GRID2: variants seen among roughly 807,000 people sequenced by gnomAD.
GRID2 encodes the protein glutamate ionotropic receptor delta type subunit 2, also known as glutamate receptor ionotropic, delta-2.
A neutral mutation model predicts 114.8 loss-of-function variants in GRID2; 33 were observed. That is an observed-to-expected ratio of 0.29 (90% CI 0.22 to 0.38). The LOEUF (loss-of-function observed/expected upper bound fraction) is 0.38. Among genes scored for constraint, GRID2 ranks in the 10% least tolerant of loss-of-function variants. The pLI is 1.00. For missense variants in GRID2, 1,184 were observed against 1,257.7 expected (o/e 0.94, Z 0.89); for synonymous variants, 505 against 449.9 (o/e 1.12, Z -1.55).
At chr4:92,345,681 T>A (rs903531823) in intron 1 of GRID2, among the ~76,000 whole-genome samples, 27 of 152,314 alleles carry the variant, frequency 1.8e-4, no homozygotes, top group East Asian at 9.6e-4. Context: ...GAGAATTTTT[T>A]AAAAATTATC....
At chr4:92,703,196 A>G (rs1734767974) in intron 2 of GRID2, among the ~76,000 whole-genome samples, 1 of 152,210 alleles carries the variant, frequency 6.6e-6, no homozygotes. Context: ...ATGGTAATAA[A>G]TAAATGTAAT....
At position 93,682,554 on chromosome 4, in the gene GRID2, G is replaced by A. The variant is rs959119436; in HGVS notation, c.2360+56119G>A. On this transcript the variant is annotated intron_variant, in intron 14 of 15. Transcript: ENST00000282020. ...GCCAAATGTCCAACAATGATAGACTGGATTAAGAAAATGTGGGACATATAC... is the reference window on the plus strand; with the variant it reads ...GCCAAATGTCCAACAATGATAGACTAGATTAAGAAAATGTGGGACATATAC... 3.9e-3 allele frequency among the ~76,000 whole-genome samples: 600 copies of A among 152,144 alleles called. 5 individuals carry two copies. Among genetic ancestry groups the A allele is most frequent in the African/African-American group, 0.014 (566 of 41,506 alleles).
At chr4:93,143,457 A>G (rs1735936317) in intron 4 of GRID2, among the ~76,000 whole-genome samples, 1 of 152,186 alleles carries the variant, frequency 6.6e-6, no homozygotes, top group Non-Finnish European at 1.5e-5. Context: ...AAAGGAGATA[A>G]AACTATACAT....
intron 2 of GRID2, among the ~76,000 whole-genome samples, chr4:92,865,645 TCA>T (rs1339440205): frequency 1.3e-5 from 2 of 152,214 alleles, no homozygotes; most frequent in Non-Finnish European, 2.9e-5. Flanking sequence ...CTCAATTCAC[TCA>T]CAGTTTCACT....
At chr4:92,588,900 C>T (rs1728582651) in intron 1 of GRID2, among the ~76,000 whole-genome samples, 2 of 151,716 alleles carry the variant, frequency 1.3e-5, no homozygotes, top group African/African-American at 2.4e-5. Flanking sequence ...GTCAGGGGCT[C>T]GAGACCAGCC....
At chr4:92,748,347 A>G (rs1194045916) in intron 2 of GRID2, among the ~76,000 whole-genome samples, 2 of 152,178 alleles carry the variant, frequency 1.3e-5, no homozygotes, top group Non-Finnish European at 2.9e-5. Flanking sequence ...CAGGTTTGAC[A>G]TGGAGGACCA....
At chr4:93,559,756 TCTA>T (rs1734699174) in intron 13 of GRID2, among the ~76,000 whole-genome samples, 1 of 152,088 alleles carries the variant, frequency 6.6e-6, no homozygotes, top group African/African-American at 2.4e-5. Flanking sequence ...TATGAATCAT[TCTA>T]CTATAAAGAC....
At chr4:93,173,893 G>A (rs1018248961) in intron 4 of GRID2, among the ~76,000 whole-genome samples, 2 of 152,122 alleles carry the variant, frequency 1.3e-5, no homozygotes, top group African/African-American at 4.8e-5. Flanking sequence ...GGTGCGCTGG[G>A]ATTACAAGTG....
At position 93,084,160 on chromosome 4, in the gene GRID2, TATGAAAC is replaced by T. The variant is rs543247578; in HGVS notation, c.245-832_245-826del. Among the ~76,000 whole-genome samples the T allele has an allele frequency of 1.1e-3, 161 of 152,304 alleles. No homozygotes were observed. In the South Asian group the frequency reaches 0.029, roughly 28 times the overall value. On this transcript the variant is annotated intron_variant, in intron 2 of 15. Transcript: ENST00000282020. ...ATTTTTTATCTTCAAAGTTTGCCAT[TATGAAAC>T]ATTACCTCTTCACTCTTTTTTCTGT... is the stretch of plus-strand genomic sequence containing the variant.
At chr4:93,564,164 T>A (rs1039467824) in intron 13 of GRID2, among the ~76,000 whole-genome samples, 4 of 151,996 alleles carry the variant, frequency 2.6e-5, no homozygotes, top group African/African-American at 9.7e-5. Context: ...AAGGGCTTTT[T>A]AAAAATCTAT....
At chr4:92,976,145 A>G (rs1333453762) in intron 2 of GRID2, among the ~76,000 whole-genome samples, 2 of 152,134 alleles carry the variant, frequency 1.3e-5, no homozygotes, top group Non-Finnish European at 2.9e-5. Flanking sequence ...AGAAGACACT[A>G]TAAATATTTC....
chr4:93,684,081 T>C (rs993510607), intron 14 of GRID2, among the ~76,000 whole-genome samples: 7 of 152,168 alleles, frequency 4.6e-5, no homozygotes, highest in Non-Finnish European at 1.5e-5. Flanking sequence ...TATAGTTATC[T>C]ATACACACCT....
At chr4:93,232,942 A>C (rs1286401168) in intron 7 of GRID2, among the ~76,000 whole-genome samples, 1 of 152,184 alleles carries the variant, frequency 6.6e-6, no homozygotes, top group Non-Finnish European at 1.5e-5. Flanking sequence ...TATCAAAAAT[A>C]ATTACAAGCA....
At chr4:92,902,170 G>A (rs1446219572) in intron 2 of GRID2, among the ~76,000 whole-genome samples, 1 of 152,052 alleles carries the variant, frequency 6.6e-6, no homozygotes, top group Non-Finnish European at 1.5e-5. Flanking sequence ...CTACATGCTT[G>A]AAAAGTTACA....
chr4:93,265,854 T>C (rs1579478871), intron 8 of GRID2, among the ~76,000 whole-genome samples: 1 of 152,316 alleles, frequency 6.6e-6, no homozygotes, highest in East Asian at 1.9e-4. Context: ...AGGAGAGCTT[T>C]AGTACCCCAT....
chr4:93,795,099 T>C (rs1361333500), intron 1 of GRID2, among the ~76,000 whole-genome samples: 1 of 150,244 alleles, frequency 6.7e-6, no homozygotes, highest in Non-Finnish European at 1.5e-5. Flanking sequence ...GACAAAAAAC[T>C]AAGAGATACA....
chr4:93,745,330 A>C (rs953399747), intron 14 of GRID2, among the ~76,000 whole-genome samples: 1 of 152,228 alleles, frequency 6.6e-6, no homozygotes, highest in Non-Finnish European at 1.5e-5. Flanking sequence ...AAAAGAGAGA[A>C]TAGAAATCAA....
In GRID2 at chr4:92,878,129, A is replaced by T. The variant is rs188551502; in HGVS notation, c.245-206866A>T. Among the ~76,000 whole-genome samples, 4 of 152,286 alleles carry T rather than the reference A, an allele frequency of 2.6e-5. No homozygotes were observed. In the East Asian group the frequency reaches 7.7e-4, roughly 29 times the overall value. On this transcript the variant is annotated intron_variant, in intron 2 of 15. Transcript: ENST00000282020. ...TTCTTCTACAGAGAAGAGTTTTTCA[A>T]GAAGCAGTTAGATATCTACTTTCAC...
chr4:93,057,822 G>T (rs968416949), intron 2 of GRID2, among the ~76,000 whole-genome samples: 1 of 151,892 alleles, frequency 6.6e-6, no homozygotes, highest in African/African-American at 2.4e-5. Flanking sequence ...TATATTTCAG[G>T]TATGCAGTGA....
Sources: gnomAD v4.1 joint callset for allele counts (sites outside exome capture counted in the v4.1 genomes callset) on GRCh38, gnomAD v4.1.1 for gene constraint, MANE v1.5 for transcripts, NCBI Gene and HGNC (gene_info 2026-07-23, HGNC 2026-07-21) for gene names.